Variants in ADAM32 observed in about 807,000 individuals in gnomAD.
The protein encoded by ADAM32 is disintegrin and metalloproteinase domain-containing protein 32.
ADAM32 carries 89 observed loss-of-function variants against 114.9 expected under a neutral mutation model. The observed-to-expected ratio is 0.77, with a 90% CI of 0.65 to 0.92. ADAM32 has a LOEUF of 0.92. Among genes scored for constraint, ADAM32 ranks in the 40% least tolerant of loss-of-function variants. The pLI, the probability that ADAM32 is intolerant of heterozygous loss-of-function variation, is 0.00. For synonymous variants in ADAM32, 285 were observed against 307.5 expected, an observed-to-expected ratio of 0.93 and a Z score of 0.77; for missense variants, 870 against 932.8, an observed-to-expected ratio of 0.93 and a Z score of 0.88.
chr8:39,118,580 A>C (rs1433582325), intron 2 of ADAM32, among the ~76,000 whole-genome samples: 3 of 152,180 alleles, frequency 2.0e-5, no homozygotes, highest in Admixed American at 2.0e-4. Flanking sequence ...TTTTATTAGA[A>C]AGGGAAATAC....
chr8:39,224,942 C>A (rs948791787), intron 14 of ADAM32, among the ~76,000 whole-genome samples: 1 of 152,076 alleles, frequency 6.6e-6, no homozygotes, highest in African/African-American at 2.4e-5. Context: ...TGGTTATGAA[C>A]AAAGAAGGGA....
rs138420229 is a variant in ADAM32, at chr8:39,246,413, A to G, written c.1902+247A>G. Among the ~76,000 whole-genome samples the G allele has an allele frequency of 1.8e-3, 268 of 152,326 alleles. 1 individual carries two copies. Among genetic ancestry groups the G allele is most frequent in the African/African-American group, 6.2e-3 (259 of 41,590 alleles). ...AATTGGGTACTTTTCAGAGGGTGTT[A>G]AATTTTCTGATAAATACATTAACCT... On this transcript the variant is annotated intron_variant, in intron 17 of 24. Transcript: ENST00000379907.
intron 19 of ADAM32, among the ~76,000 whole-genome samples, chr8:39,270,387 T>C (rs560379501): frequency 6.6e-6 from 1 of 152,288 alleles, no homozygotes; most frequent in Non-Finnish European, 1.5e-5. Context: ...ATTATTCCTG[T>C]TTCATGGGTG....
At chr8:39,279,947 C>T (rs1319578996) in intron 22 of ADAM32, among the ~76,000 whole-genome samples, 1 of 152,124 alleles carries the variant, frequency 6.6e-6, no homozygotes, top group East Asian at 1.9e-4. Flanking sequence ...GTAATGTTTT[C>T]CATGCTTGCT....
chr8:39,250,113 T>C (rs1177524238), intron 17 of ADAM32, among the ~76,000 whole-genome samples: 1 of 152,080 alleles, frequency 6.6e-6, no homozygotes, highest in Non-Finnish European at 1.5e-5. Context: ...TGTGATTTGT[T>C]GTGAGACATT....
intron 4 of ADAM32, among the ~76,000 whole-genome samples, chr8:39,148,607 T>C (rs1803647643): frequency 2.0e-5 from 3 of 152,132 alleles, no homozygotes; most frequent in Admixed American, 6.5e-5. Context: ...GGGCTTTTGG[T>C]CTGTTTTATT....
chr8:39,219,067 C>G (rs1057273705), intron 12 of ADAM32, among the ~76,000 whole-genome samples: 10 of 151,990 alleles, frequency 6.6e-5, no homozygotes, highest in African/African-American at 2.4e-4. Flanking sequence ...GGAACTAGGA[C>G]CTGGAATGGG....
chr8:39,158,604 G>A, intron 6 of ADAM32: 1 of 282,170 alleles, frequency 3.5e-6, no homozygotes, highest in Non-Finnish European at 6.9e-6. Context: ...GTCATCACTG[G>A]GGAAGCTCTT....
chr8:39,163,777 T>A (rs775622375), intron 7 of ADAM32, among the ~76,000 whole-genome samples: 1 of 152,166 alleles, frequency 6.6e-6, no homozygotes, highest in Non-Finnish European at 1.5e-5. Context: ...AGTGAAAATA[T>A]AAGTAGGAAG....
intron 16 of ADAM32, among the ~76,000 whole-genome samples, chr8:39,238,035 T>A (rs1462486375): frequency 6.6e-6 from 1 of 152,226 alleles, no homozygotes; most frequent in Admixed American, 6.5e-5. Context: ...AAACAACAGC[T>A]AATTCCACTG....
intron 16 of ADAM32, among the ~76,000 whole-genome samples, chr8:39,239,341 G>T (rs951802995): frequency 2.0e-5 from 3 of 152,116 alleles, no homozygotes; most frequent in African/African-American, 4.8e-5. Context: ...ATGAGGGAAA[G>T]ATAAAGTCTT....
chr8:39,214,945 T>G (rs1294002472), intron 12 of ADAM32, among the ~76,000 whole-genome samples: 1 of 152,090 alleles, frequency 6.6e-6, no homozygotes, highest in African/African-American at 2.4e-5. Context: ...TTGAAGAGAC[T>G]GTTCTTTCCC....
chr8:39,121,116 G>A (rs1840571448), intron 2 of ADAM32, among the ~76,000 whole-genome samples: 1 of 152,128 alleles, frequency 6.6e-6, no homozygotes, highest in Admixed American at 6.5e-5. Flanking sequence ...GAGAAATGAT[G>A]TTTTAGAAAG....
chr8:39,107,823 G>C lies in ADAM32; in HGVS notation c.48G>C (p.Ala16=). The change falls in exon 1 of 25, where the codon GCG becomes GCC. Residue 16 remains alanine (A), a synonymous_variant. Coordinates refer to ENST00000379907, the MANE Select transcript of ADAM32 (RefSeq NM_145004.7). ...TGGCCGGGCTCTGCGGCCTCCTGGC[G>C]TCAAGACCCGGTGAGCCAGCCCAGA... The part of the protein sequence containing the change: ...LLLAGLCGLL[A]SRPGFQNSLL... The C allele has an allele frequency of 6.5e-7, 1 of 1,546,674 alleles. No individual in the cohort carries two copies. The highest frequency in any genetic ancestry group is 8.7e-7 in the Non-Finnish European group (1 of 1,145,040).
intron 11 of ADAM32, among the ~76,000 whole-genome samples, chr8:39,210,607 C>T (rs897429716): frequency 6.6e-6 from 1 of 152,188 alleles, no homozygotes; most frequent in African/African-American, 2.4e-5. Flanking sequence ...CAATAAATCT[C>T]AGTTTCTTCC....
chr8:39,175,869 T>G (rs889008159), intron 10 of ADAM32, among the ~76,000 whole-genome samples: 1 of 152,128 alleles, frequency 6.6e-6, no homozygotes, highest in African/African-American at 2.4e-5. Context: ...ACTCATTTAT[T>G]TGTTTATTCA....
In ADAM32 at chr8:39,157,558, C is replaced by T. The variant is rs555281838; in HGVS notation, c.526-3339C>T. ...TGGCATTAAGCTCCTTCTTCCTTTG[C>T]AATCTGGTCTTTCTTGAGTGGTCCC... is the stretch of plus-strand genomic sequence containing the variant. On this transcript the variant is annotated intron_variant, in intron 6 of 24. Coordinates refer to ENST00000379907, the MANE Select transcript of ADAM32 (RefSeq NM_145004.7). 17 of 513,618 alleles carry T rather than the reference C, an allele frequency of 3.3e-5. No individual in the cohort carries two copies. The East Asian group carries it at 8.4e-4, about 25-fold the overall frequency. 31.8% of individuals were successfully genotyped at this position (513,618 alleles called of 1,614,324 possible).
At chr8:39,158,795 T>C (rs1391101606) in intron 6 of ADAM32, 1 of 152,356 alleles carries the variant, frequency 6.6e-6, no homozygotes, top group Non-Finnish European at 1.5e-5. Context: ...TCCTTTTTTC[T>C]GCTTGCTCAA....
Position 39,232,116 on chromosome 8 carries a change from T to C in ADAM32, c.1615T>C (p.Tyr539His). 6.2e-7 allele frequency: 1 copy of C among 1,604,208 alleles called. No individual in the cohort carries two copies. The highest frequency in any genetic ancestry group is 8.5e-7 in the Non-Finnish European group (1 of 1,171,990). ...GNCGRDRNNKYVFCGWRNLIC... is the reference protein window; with the variant it reads ...GNCGRDRNNKHVFCGWRNLIC... Reference sequence around the variant, plus strand: ...CTGTGGTAGGGATAGAAATAACAAATATGTGTTCTGTGGATGGAGGTATGC... The same window carrying C: ...CTGTGGTAGGGATAGAAATAACAAACATGTGTTCTGTGGATGGAGGTATGC... The change falls in exon 15 of 25, where the codon TAT becomes CAT. Residue 539 changes from tyrosine (Y) to histidine (H), a missense_variant. Tyr to His is a moderately conservative substitution (Grantham distance 83, BLOSUM62 2). Coordinates refer to ENST00000379907, the MANE Select transcript of ADAM32 (RefSeq NM_145004.7).
Sources: gnomAD v4.1 joint callset for allele counts (sites outside exome capture counted in the v4.1 genomes callset) on GRCh38, gnomAD v4.1.1 for gene constraint, MANE v1.5 for transcripts, NCBI Gene and HGNC (gene_info 2026-07-23, HGNC 2026-07-21) for gene names.